DNAH10: variants seen among roughly 807,000 people sequenced by gnomAD.
DNAH10 encodes the protein axonemal beta dynein heavy chain 10.
DNAH10 carries 348 observed loss-of-function variants against 506.6 expected under a neutral mutation model. The observed-to-expected ratio is 0.69, with a 90% CI of 0.63 to 0.75. The LOEUF is 0.75. Ranked by LOEUF, DNAH10 falls within the 30% of genes least tolerant of loss-of-function variation. The pLI, the probability that DNAH10 is intolerant of heterozygous loss-of-function variation, is 0.00. For synonymous variants in DNAH10, 2,059 were observed against 2,198.6 expected (o/e 0.94, Z 1.78); for missense variants, 5,179 against 5,787.1 (o/e 0.89, Z 3.41).
rs369263901 is a variant in DNAH10, at chr12:123,813,679, G to A, written c.3621+39G>A. The A allele has an allele frequency of 1.1e-5, 17 of 1,612,974 alleles. No homozygotes were observed. The African/African-American group carries it at 2.1e-4, about 20-fold the overall frequency. Reference sequence around the variant, plus strand: ...GTGTGTAATTGAAACTACTTTTCGTGTAAGTTGGGTCTTCATTTGCGCCAT... The same window carrying A: ...GTGTGTAATTGAAACTACTTTTCGTATAAGTTGGGTCTTCATTTGCGCCAT... On this transcript the variant is annotated intron_variant, in intron 20 of 78. Transcript: ENST00000673944.
Position 123,830,705 on chromosome 12 carries a change from A to T in DNAH10, c.4545+6A>T, listed in dbSNP as rs768455485. 6.2e-7 allele frequency: 1 copy of T among 1,603,060 alleles called. No homozygotes were observed. The highest frequency in any genetic ancestry group is 8.5e-7 in the Non-Finnish European group (1 of 1,175,080). Reference sequence around the variant, plus strand: ...AGGAGGTTGCCATTGAGAAGGTAAGACTTCAGTTAAAAACAGGCTGGAGAA... The same window carrying T: ...AGGAGGTTGCCATTGAGAAGGTAAGTCTTCAGTTAAAAACAGGCTGGAGAA... On this transcript the variant is annotated splice_donor_region_variant and intron_variant, in intron 26 of 78. Coordinates refer to ENST00000673944, the MANE Select transcript of DNAH10 (RefSeq NM_001372106.1).
At chr12:123,793,620 G>C (rs1281039986) in intron 11 of DNAH10, among the ~76,000 whole-genome samples, 1 of 152,214 alleles carries the variant, frequency 6.6e-6, no homozygotes, top group Non-Finnish European at 1.5e-5. Context: ...TTACAGGTGT[G>C]AGGCACTGCG....
At chr12:123,923,918 C>CATGT in intron 66 of DNAH10, 51 bp downstream of exon 66, 1 of 1,338,240 alleles carries the variant, frequency 7.5e-7, no homozygotes. Context: ...CCACATGATA[C>CATGT]ATGTATATAA....
intron 59 of DNAH10, 58 bp downstream of exon 59, chr12:123,910,730 A>G (rs1400320596): frequency 6.3e-7 from 1 of 1,593,500 alleles, no homozygotes; most frequent in Non-Finnish European, 8.6e-7. Flanking sequence ...CAGAGTCAGA[A>G]TTCACATGTA....
At chr12:123,859,685 C>G (rs1235991308) in intron 38 of DNAH10, among the ~76,000 whole-genome samples, 1 of 152,122 alleles carries the variant, frequency 6.6e-6, no homozygotes, top group East Asian at 1.9e-4. Context: ...TAATCGCTAG[C>G]CCTTCGGGGG....
intron 21 of DNAH10, among the ~76,000 whole-genome samples, chr12:123,817,086 T>C (rs1453685706): frequency 6.6e-6 from 1 of 150,904 alleles, no homozygotes; most frequent in Non-Finnish European, 1.5e-5. Flanking sequence ...CCTTTCAAGG[T>C]AGTCCAGTCT....
chr12:123,777,090 T>C (rs1957469393), intron 5 of DNAH10, among the ~76,000 whole-genome samples: 2 of 152,196 alleles, frequency 1.3e-5, no homozygotes, highest in African/African-American at 4.8e-5. Context: ...ACCAACACAA[T>C]ATCCTCTTTT....
chr12:123,825,501 C>T (rs564603630), intron 24 of DNAH10, among the ~76,000 whole-genome samples: 2 of 152,252 alleles, frequency 1.3e-5, no homozygotes, highest in East Asian at 1.9e-4. Flanking sequence ...ACAACATGGG[C>T]GACTCTCAGA....
At chr12:123,773,037 C>A (rs1957316631) in intron 4 of DNAH10, 95 bp downstream of exon 4, 1 of 829,596 alleles carries the variant, frequency 1.2e-6, no homozygotes, top group East Asian at 2.5e-5. Context: ...TTATGGTTAT[C>A]TTTCACCTAT....
intron 57 of DNAH10, among the ~76,000 whole-genome samples, chr12:123,904,344 G>T (rs547207133): frequency 6.6e-6 from 1 of 152,142 alleles, no homozygotes; most frequent in Admixed American, 6.5e-5. Context: ...TAGGAGACAC[G>T]GTCAGCACAC....
chr12:123,878,548 G>A (rs1952361523), intron 48 of DNAH10, among the ~76,000 whole-genome samples: 2 of 152,190 alleles, frequency 1.3e-5, no homozygotes. Flanking sequence ...ACGGTTCTTT[G>A]CTAGAATGCA....
chr12:123,859,287 G>A lies in DNAH10; in HGVS notation c.6749+19G>A. On this transcript the variant is annotated intron_variant, in intron 38 of 78. Transcript: ENST00000673944. ...AGACCAAGTGAGTATGACCTCCGTAGGGAGGGCCTGGCTGCCACAGGGGCT... is the reference window on the plus strand; with the variant it reads ...AGACCAAGTGAGTATGACCTCCGTAAGGAGGGCCTGGCTGCCACAGGGGCT... The A allele has an allele frequency of 6.5e-7, 1 of 1,546,488 alleles. No homozygotes were observed. Among genetic ancestry groups the A allele is most frequent in the Non-Finnish European group, 8.7e-7 (1 of 1,148,750 alleles).
In DNAH10 at chr12:123,785,824, A is replaced by T; in HGVS notation, c.1309A>T (p.Ile437Phe). The change falls in exon 9 of 79, where the codon ATC becomes TTC. Residue 437 changes from isoleucine to phenylalanine, a missense_variant. By Grantham distance (21) the Ile-to-Phe change is conservative. Transcript: ENST00000673944. The surrounding 1 kb of genome is among the most constrained non-coding windows in gnomAD (Gnocchi z 4.1). Reference protein sequence around the residue: ...AMMSALRMVWIISRHYNKDER... With the variant: ...AMMSALRMVWFISRHYNKDER... ...GATGAGTGCCCTGCGGATGGTGTGGATCATCTCCCGACACTACAACAAAGA... is the reference window on the plus strand; with the variant it reads ...GATGAGTGCCCTGCGGATGGTGTGGTTCATCTCCCGACACTACAACAAAGA... 1.9e-6 allele frequency: 3 copies of T among 1,614,094 alleles called. No homozygotes were observed. Among genetic ancestry groups the T allele is most frequent in the Non-Finnish European group, 2.5e-6 (3 of 1,180,018 alleles).
At position 123,894,289 on chromosome 12, in the gene DNAH10, C is replaced by T. The variant is rs1454579867; in HGVS notation, c.9200-354C>T. On this transcript the variant is annotated intron_variant, in intron 53 of 78. Transcript: ENST00000673944. ...TTTTTTTCTTTGAGACAGGGTCTCA[C>T]TCTGTTGCCCAGACTGGAGTGCAGT... 2.0e-5 allele frequency among the ~76,000 whole-genome samples: 3 copies of T among 151,758 alleles called. No homozygotes were observed. In the East Asian group the frequency reaches 5.8e-4, roughly 29 times the overall value.
At chr12:123,763,904 C>T (rs1379730235) in intron 1 of DNAH10, among the ~76,000 whole-genome samples, 6 of 146,942 alleles carry the variant, frequency 4.1e-5, no homozygotes, top group Non-Finnish European at 7.4e-5. Flanking sequence ...CTAGCTCTGT[C>T]GCCAAGGCTG....
chr12:123,925,236 T>C lies in DNAH10; in HGVS notation c.11921+32T>C, dbSNP rs750183606. ...GTGTCGTTTTGTTGATTTGCCACTTTCCGTGGGGTGGAATCTCTAGCGTCC... is the reference window on the plus strand; with the variant it reads ...GTGTCGTTTTGTTGATTTGCCACTTCCCGTGGGGTGGAATCTCTAGCGTCC... On this transcript the variant is annotated intron_variant, in intron 68 of 78. Coordinates refer to ENST00000673944, the MANE Select transcript of DNAH10 (RefSeq NM_001372106.1). The surrounding 1 kb of genome is among the most constrained non-coding windows in gnomAD (Gnocchi z 4.0). 10 of 1,613,026 alleles carry C rather than the reference T, an allele frequency of 6.2e-6. No individual in the cohort carries two copies. The highest frequency in any genetic ancestry group is 5.0e-5 in the Admixed American group (3 of 60,016).
chr12:123,768,806 A>G (rs1168670643), intron 2 of DNAH10, among the ~76,000 whole-genome samples: 1 of 151,820 alleles, frequency 6.6e-6, no homozygotes, highest in Non-Finnish European at 1.5e-5. Flanking sequence ...TGGTGCTGTC[A>G]TAGCTCACTT....
chr12:123,777,135 C>T (rs1029960840), intron 5 of DNAH10, among the ~76,000 whole-genome samples: 2 of 152,150 alleles, frequency 1.3e-5, no homozygotes, highest in African/African-American at 4.8e-5. Flanking sequence ...AAAAAGATCC[C>T]TCAGTTTCTG....
At position 123,867,532 on chromosome 12, in the gene DNAH10, G is replaced by A. The variant is rs780556866; in HGVS notation, c.7233G>A (p.Val2411=). The A allele has an allele frequency of 7.4e-6, 12 of 1,613,806 alleles. No homozygotes were observed. Among genetic ancestry groups the A allele is most frequent in the Non-Finnish European group, 1.0e-5 (12 of 1,179,880 alleles). The change falls in exon 42 of 79, where the codon GTG becomes GTA. Residue 2411 remains valine (V), a synonymous_variant. Coordinates refer to ENST00000673944, the MANE Select transcript of DNAH10 (RefSeq NM_001372106.1). The stretch of plus-strand genomic sequence containing the variant: ...TGCCCTATCTCATGGATGTGATAGT[G>A]GAAGGAATTGTGGATGGAAGACAAG... The part of the protein sequence containing the change: ...KYVPYLMDVI[V]EGIVDGRQAE...
Sources: allele counts gnomAD v4.1 joint callset (sites outside exome capture counted in the v4.1 genomes callset), GRCh38; gene constraint gnomAD v4.1.1; non-coding constraint Gnocchi (gnomAD v3.1); transcripts MANE v1.5; gene names NCBI Gene and HGNC (gene_info 2026-07-23, HGNC 2026-07-21).